The following ASTN2 variants were observed in gnomAD, a reference collection of about 807,000 sequenced individuals.
The protein encoded by ASTN2 is astrotactin 2, also known as astrotactin-2.
In ASTN2, 54 loss-of-function variants were observed where a neutral mutation model predicts 139.8. The ratio of observed to expected loss-of-function variants is 0.39; its 90% confidence interval spans 0.31 to 0.48. ASTN2 has a LOEUF of 0.48. Ranked by LOEUF, ASTN2 falls within the 20% of genes least tolerant of loss-of-function variation. ASTN2 has a pLI of 0.95. For missense variants in ASTN2, 1,565 were observed against 1,725.1 expected (o/e 0.91, Z 1.64); for synonymous variants, 756 against 719.5 (o/e 1.05, Z -0.81).
intron 19 of ASTN2, among the ~76,000 whole-genome samples, chr9:116,570,521 G>T (rs915956198): frequency 6.6e-6 from 1 of 151,894 alleles, no homozygotes; most frequent in Non-Finnish European, 1.5e-5. Flanking sequence ...TCAGCCTCTC[G>T]AGTAGCTGGG....
chr9:116,651,465 A>C (rs1857908878), intron 17 of ASTN2, 63 bp downstream of exon 17: 1 of 1,571,126 alleles, frequency 6.4e-7, no homozygotes, highest in Non-Finnish European at 8.7e-7. Context: ...CAAAGGGTCC[A>C]CAAGGGTAGG....
chr9:116,722,789 C>A (rs1032326706), intron 16 of ASTN2, among the ~76,000 whole-genome samples: 63 of 152,118 alleles, frequency 4.1e-4, no homozygotes, highest in Non-Finnish European at 7.9e-4. Flanking sequence ...CGAGTTTGAC[C>A]CTCCACTCCT....
At chr9:116,867,996 C>T (rs1055996248) in intron 10 of ASTN2, among the ~76,000 whole-genome samples, 10 of 152,100 alleles carry the variant, frequency 6.6e-5, no homozygotes, top group African/African-American at 2.4e-4. Context: ...TTAGAGCTGC[C>T]CCAATCTTGG....
chr9:116,468,055 C>T (rs1343558238), intron 20 of ASTN2, among the ~76,000 whole-genome samples: 1 of 152,178 alleles, frequency 6.6e-6, no homozygotes, highest in African/African-American at 2.4e-5. Context: ...CTTCTCATTC[C>T]TCTGAGTGTC....
intron 22 of ASTN2, among the ~76,000 whole-genome samples, chr9:116,435,788 C>A (rs966316510): frequency 2.6e-5 from 4 of 152,172 alleles, no homozygotes; most frequent in Non-Finnish European, 5.9e-5. Flanking sequence ...TCCAAGTATG[C>A]TTTTGGGGCC....
chr9:116,781,658 C>A (rs1346742930), intron 13 of ASTN2, among the ~76,000 whole-genome samples: 1 of 152,108 alleles, frequency 6.6e-6, no homozygotes, highest in Admixed American at 6.5e-5. Flanking sequence ...CTGGGGCTCT[C>A]AAAAGTGTTG....
chr9:117,180,773 G>C (rs2132945259), intron 3 of ASTN2: 1 of 1,561,798 alleles, frequency 6.4e-7, no homozygotes, highest in Non-Finnish European at 8.7e-7. Flanking sequence ...CAGCCATCAG[G>C]GATGAGCTGC....
At chr9:117,003,647 T>C (rs1051870804) in intron 7 of ASTN2, among the ~76,000 whole-genome samples, 1 of 149,618 alleles carries the variant, frequency 6.7e-6, no homozygotes, top group African/African-American at 2.5e-5. Context: ...AATTATGCCC[T>C]CAAGCCTGTG....
intron 17 of ASTN2, among the ~76,000 whole-genome samples, chr9:116,637,437 T>TA (rs1422005838): frequency 2.0e-5 from 3 of 152,162 alleles, no homozygotes; most frequent in Admixed American, 6.5e-5. Flanking sequence ...TTACCGATGG[T>TA]AAAACAAAAG....
In ASTN2 at chr9:116,808,341, A is replaced by C. The variant is rs550083341; in HGVS notation, c.2208-2521T>G. 2.6e-5 allele frequency among the ~76,000 whole-genome samples: 4 copies of C among 151,630 alleles called. No individual in the cohort carries two copies. The East Asian group carries it at 7.8e-4, about 29-fold the overall frequency. ...TGTGTATACAGAAACATTTCTTTGA[A>C]TCTGTCGACTAAATTGGGGGGATTT... On this transcript the variant is annotated intron_variant, in intron 12 of 22. Transcript: ENST00000313400.
At chr9:116,510,562 G>C (rs1362123722) in intron 19 of ASTN2, among the ~76,000 whole-genome samples, 2 of 152,168 alleles carry the variant, frequency 1.3e-5, no homozygotes, top group Non-Finnish European at 2.9e-5. Context: ...GCTTGCTGGG[G>C]ATAGCATTGA....
chr9:117,081,569 G>A (rs535723313), intron 5 of ASTN2, among the ~76,000 whole-genome samples: 2 of 152,144 alleles, frequency 1.3e-5, no homozygotes, highest in Non-Finnish European at 2.9e-5. Context: ...TATATGACAA[G>A]GGTGAAAGGA....
intron 19 of ASTN2, chr9:116,568,639 G>A (rs950799603): frequency 6.6e-6 from 1 of 152,444 alleles, no homozygotes; most frequent in African/African-American, 2.4e-5. Context: ...TCTTTGTTGG[G>A]ACACTCCAGG....
At chr9:116,528,216 G>A (rs1243598333) in intron 19 of ASTN2, among the ~76,000 whole-genome samples, 7 of 152,170 alleles carry the variant, frequency 4.6e-5, no homozygotes, top group Admixed American at 4.6e-4. Context: ...AGGTTGAGGT[G>A]GTCTCAGATG....
chr9:116,467,032 A>G (rs990923861), intron 20 of ASTN2, among the ~76,000 whole-genome samples: 1 of 151,956 alleles, frequency 6.6e-6, no homozygotes, highest in African/African-American at 2.4e-5. Flanking sequence ...CCTGCCTCTC[A>G]CCAGAGGAGT....
intron 1 of ASTN2, among the ~76,000 whole-genome samples, chr9:117,308,459 T>C (rs73655687): frequency 0.023 from 3,555 of 152,224 alleles, 125 homozygotes; most frequent in African/African-American, 0.081. Flanking sequence ...ATGGAGCACA[T>C]CTGCTTGCCT....
chr9:116,688,889 A>G (rs1412187308), intron 16 of ASTN2, among the ~76,000 whole-genome samples: 1 of 151,768 alleles, frequency 6.6e-6, no homozygotes, highest in Non-Finnish European at 1.5e-5. Flanking sequence ...GAAAAAAAAA[A>G]GGGAACCCTT....
intron 1 of ASTN2, among the ~76,000 whole-genome samples, chr9:117,295,629 A>T (rs953740183): frequency 6.6e-6 from 1 of 152,012 alleles, no homozygotes; most frequent in African/African-American, 2.4e-5. Context: ...GTATATATAT[A>T]TTTATGTATT....
At chr9:117,291,262 C>G in intron 2 of ASTN2, 64 bp downstream of exon 2, 1 of 1,576,442 alleles carries the variant, frequency 6.3e-7, no homozygotes. Context: ...CCGCCCCCTC[C>G]ATCTCTCCAC....
Sources: allele counts gnomAD v4.1 joint callset (sites outside exome capture counted in the v4.1 genomes callset), GRCh38; gene constraint gnomAD v4.1.1; transcripts MANE v1.5; gene names NCBI Gene and HGNC (gene_info 2026-07-23, HGNC 2026-07-21).